The following ZSWIM6 variants were observed in gnomAD, a reference collection of about 807,000 sequenced individuals.
The protein encoded by ZSWIM6 is zinc finger SWIM-type containing 6, also known as zinc finger SWIM domain-containing protein 6.
In ZSWIM6, 9 loss-of-function variants were observed where a neutral mutation model predicts 113.2. The ratio of observed to expected loss-of-function variants is 0.08; its 90% CI spans 0.05 to 0.14. ZSWIM6 has a LOEUF of 0.14. Ranked by LOEUF, ZSWIM6 falls within the 10% of genes least tolerant of loss-of-function variation. The pLI, the probability that ZSWIM6 is intolerant of heterozygous loss-of-function variation, is 1.00. For synonymous variants in ZSWIM6, 611 were observed against 606.5 expected, an observed-to-expected ratio of 1.01 and a Z score of -0.11; for missense variants, 1,162 against 1,552.2, an observed-to-expected ratio of 0.75 and a Z score of 4.22.
chr5:61,445,486 C>T (rs1746931070), intron 1 of ZSWIM6, among the ~76,000 whole-genome samples: 1 of 152,162 alleles, frequency 6.6e-6, no homozygotes, highest in Non-Finnish European at 1.5e-5. Context: ...GGAGTCCCAA[C>T]AGTGATAAAA....
At chr5:61,352,291 G>T (rs2112040922) in intron 1 of ZSWIM6, among the ~76,000 whole-genome samples, 1 of 152,224 alleles carries the variant, frequency 6.6e-6, no homozygotes, top group East Asian at 1.9e-4. Context: ...TTTTTGGATT[G>T]TCCTCTCCCA....
At chr5:61,494,033 A>G (rs1748253921) in intron 3 of ZSWIM6, among the ~76,000 whole-genome samples, 1 of 151,960 alleles carries the variant, frequency 6.6e-6, no homozygotes, top group East Asian at 1.9e-4. Context: ...TTAAATTGCT[A>G]TTTAGGGTAG....
At chr5:61,513,436 C>T (rs1434432200) in intron 4 of ZSWIM6, among the ~76,000 whole-genome samples, 1 of 152,062 alleles carries the variant, frequency 6.6e-6, no homozygotes, top group Non-Finnish European at 1.5e-5. Context: ...TTTTCTCATT[C>T]TCTTAACAGT....
chr5:61,505,805 G>A (rs1276749550), intron 4 of ZSWIM6, among the ~76,000 whole-genome samples: 1 of 150,408 alleles, frequency 6.6e-6, no homozygotes, highest in Non-Finnish European at 1.5e-5. Context: ...CTGGAGTGCA[G>A]TGGTGCTATC....
intron 1 of ZSWIM6, among the ~76,000 whole-genome samples, chr5:61,351,517 C>T (rs1361576140): frequency 2.6e-5 from 4 of 152,110 alleles, no homozygotes; most frequent in East Asian, 1.9e-4. Flanking sequence ...GTTAGCATTT[C>T]CCCCAATTTA....
chr5:61,528,728 T>C (rs745345717), intron 7 of ZSWIM6, among the ~76,000 whole-genome samples: 3 of 151,852 alleles, frequency 2.0e-5, no homozygotes, highest in Non-Finnish European at 2.9e-5. Flanking sequence ...GCTGGGATTA[T>C]AGGCACCCAC....
At chr5:61,541,837 T>C (rs1251452162) in intron 12 of ZSWIM6, 47 bp from the exon 13 acceptor site, 1 of 1,485,616 alleles carries the variant, frequency 6.7e-7, no homozygotes, top group African/African-American at 1.4e-5. Flanking sequence ...TTTTTTTCAT[T>C]GACTCAGGAT....
At chr5:61,374,336 G>T (rs1389292635) in intron 1 of ZSWIM6, among the ~76,000 whole-genome samples, 4 of 152,110 alleles carry the variant, frequency 2.6e-5, no homozygotes, top group Non-Finnish European at 5.9e-5. Flanking sequence ...TAAACTCAGG[G>T]AATCTGCTAT....
intron 1 of ZSWIM6, chr5:61,375,175 C>T: frequency 6.2e-7 from 1 of 1,613,072 alleles, no homozygotes; most frequent in South Asian, 1.1e-5. Context: ...ATCAAGGGGT[C>T]CAATCCAGTC....
intron 2 of ZSWIM6, among the ~76,000 whole-genome samples, chr5:61,489,866 C>G (rs1335350312): frequency 6.6e-6 from 1 of 151,954 alleles, no homozygotes; most frequent in African/African-American, 2.4e-5. Flanking sequence ...GGCCTTGGTT[C>G]TAAGCAGATG....
chr5:61,432,881 A>T (rs1746617091), intron 1 of ZSWIM6, among the ~76,000 whole-genome samples: 1 of 152,206 alleles, frequency 6.6e-6, no homozygotes, highest in Non-Finnish European at 1.5e-5. Context: ...AATATTACAT[A>T]ACTCACACCT....
chr5:61,408,974 C>G (rs1159677550), intron 1 of ZSWIM6, among the ~76,000 whole-genome samples: 1 of 151,752 alleles, frequency 6.6e-6, no homozygotes, highest in Admixed American at 6.6e-5. Flanking sequence ...GTGTGTGTGA[C>G]TGACCCGACC....
intron 1 of ZSWIM6, among the ~76,000 whole-genome samples, chr5:61,462,302 A>G (rs922691023): frequency 1.3e-5 from 2 of 152,230 alleles, no homozygotes; most frequent in Non-Finnish European, 2.9e-5. Context: ...GAAGGCAAAC[A>G]TTAGGGATAA....
At chr5:61,473,343 C>T (rs764553105) in intron 2 of ZSWIM6, among the ~76,000 whole-genome samples, 2 of 152,124 alleles carry the variant, frequency 1.3e-5, no homozygotes, top group African/African-American at 4.8e-5. Flanking sequence ...TTAATTCACC[C>T]TTGTCAATAC....
At chr5:61,470,395 G>T (rs1747540284) in intron 1 of ZSWIM6, among the ~76,000 whole-genome samples, 1 of 152,146 alleles carries the variant, frequency 6.6e-6, no homozygotes, top group African/African-American at 2.4e-5. Flanking sequence ...TCTCTCTTAT[G>T]CTCCCTTGGT....
chr5:61,379,591 G>A (rs1234995361), intron 1 of ZSWIM6, among the ~76,000 whole-genome samples: 2 of 152,066 alleles, frequency 1.3e-5, no homozygotes, highest in Non-Finnish European at 2.9e-5. Flanking sequence ...CTTTTTTCTA[G>A]TGTGTACTGA....
At chr5:61,365,086 C>T (rs556155686) in intron 1 of ZSWIM6, among the ~76,000 whole-genome samples, 2 of 152,230 alleles carry the variant, frequency 1.3e-5, no homozygotes, top group East Asian at 3.9e-4. Flanking sequence ...GTGGCCCACG[C>T]TTATAATCCC....
chr5:61,404,610 T>G (rs1746011184), intron 1 of ZSWIM6, among the ~76,000 whole-genome samples: 1 of 152,228 alleles, frequency 6.6e-6, no homozygotes, highest in African/African-American at 2.4e-5. Flanking sequence ...TTCTATTCTT[T>G]TCTGCCAGTA....
rs553867733 is a variant in ZSWIM6, at chr5:61,536,145, G to A, written c.2381+526G>A. 2.4e-3 allele frequency among the ~76,000 whole-genome samples: 359 copies of A among 152,290 alleles called. 1 individual carries two copies. The highest frequency in any genetic ancestry group is 0.017 in the Middle Eastern group (5 of 294). On this transcript the variant is annotated intron_variant, in intron 10 of 13. Transcript: ENST00000252744. ...TTTAGCAGTGAAGGAGTCGCTATTC[G>A]GGGTCCTTCAGGCTCTGCCTGCCTC...
Sources: gnomAD v4.1 joint callset for allele counts (sites outside exome capture counted in the v4.1 genomes callset) on GRCh38, gnomAD v4.1.1 for gene constraint, MANE v1.5 for transcripts, NCBI Gene and HGNC (gene_info 2026-07-23, HGNC 2026-07-21) for gene names.